FIP1L1: variants seen among roughly 807,000 people sequenced by gnomAD.
FIP1L1 encodes the protein factor interacting with PAPOLA and CPSF1, also known as pre-mRNA 3'-end-processing factor FIP1.
Under a neutral mutation model 84.6 loss-of-function variants are expected in FIP1L1, and 21 were observed. The ratio of observed to expected loss-of-function variants is 0.25; its 90% CI spans 0.18 to 0.36. FIP1L1 has a LOEUF of 0.36. Among genes scored for constraint, FIP1L1 ranks in the 10% least tolerant of loss-of-function variants. The probability of loss-of-function intolerance (pLI) is 1.00; values close to 1 mark genes in which losing one functional copy is unlikely to be tolerated. For missense variants in FIP1L1, 526 were observed against 751.1 expected (o/e 0.70, Z 3.50); for synonymous variants, 263 against 242.3 (o/e 1.09, Z -0.80).
chr4:53,411,459 G>T (rs1757188575), intron 10 of FIP1L1, among the ~76,000 whole-genome samples: 1 of 151,612 alleles, frequency 6.6e-6, no homozygotes, highest in Non-Finnish European at 1.5e-5. Context: ...TGCAGTCATT[G>T]TGAAATATTT....
rs1235607365 is a variant in FIP1L1 at position 53,429,941 on chromosome 4, C to A, written c.1174+1758C>A. Among the ~76,000 whole-genome samples the A allele has an allele frequency of 5.9e-5, 9 of 152,250 alleles. No individual in the cohort carries two copies. In the East Asian group the frequency reaches 1.7e-3, roughly 29 times the overall value. On this transcript the variant is annotated intron_variant, in intron 13 of 17. Coordinates refer to ENST00000337488, the MANE Select transcript of FIP1L1 (RefSeq NM_030917.4). The stretch of plus-strand genomic sequence containing the variant: ...TTTGTATCCTTTGAAAATCATCTCC[C>A]CTACCTCACCCGTGGCCCCCAGCCT...
At chr4:53,408,138 G>T (rs1199251627) in intron 10 of FIP1L1, among the ~76,000 whole-genome samples, 1 of 152,162 alleles carries the variant, frequency 6.6e-6, no homozygotes, top group South Asian at 2.1e-4. Context: ...GGTACTGGTT[G>T]TTCCTTTCCA....
intron 10 of FIP1L1, among the ~76,000 whole-genome samples, chr4:53,410,235 T>A (rs908335570): frequency 6.6e-6 from 1 of 152,222 alleles, no homozygotes; most frequent in South Asian, 2.1e-4. Context: ...TGAGGATGAT[T>A]TTTTTGATTT....
At position 53,383,761 on chromosome 4, in the gene FIP1L1, A is replaced by C; in HGVS notation, c.229-12A>C. The C allele has an allele frequency of 6.3e-7, 1 of 1,594,708 alleles. No homozygotes were observed. Among genetic ancestry groups the C allele is most frequent in the Non-Finnish European group, 8.6e-7 (1 of 1,167,486 alleles). ...ACTGAATGTATTTTATAATTTGTTT[A>C]TGTTCATGTAGAAAGTGACTGAGAC... On this transcript the variant is annotated splice_polypyrimidine_tract_variant and intron_variant, in intron 4 of 17. Transcript: ENST00000337488.
intron 9 of FIP1L1, among the ~76,000 whole-genome samples, chr4:53,395,085 ATGGT>A (rs1746512895): frequency 6.6e-6 from 1 of 152,150 alleles, no homozygotes; most frequent in South Asian, 2.1e-4. Flanking sequence ...ATAATGTCTT[ATGGT>A]CATTTCTTAA....
chr4:53,398,724 G>A (rs747189408), intron 9 of FIP1L1, among the ~76,000 whole-genome samples: 42 of 152,170 alleles, frequency 2.8e-4, no homozygotes, highest in Non-Finnish European at 4.9e-4. Flanking sequence ...AAGCAGAAGA[G>A]CATAAAGAAG....
intron 5 of FIP1L1, 26 bp downstream of exon 5, chr4:53,383,902 A>G (rs755096914): frequency 5.6e-6 from 9 of 1,604,504 alleles, no homozygotes; most frequent in South Asian, 2.2e-5. Context: ...GTAAGTAACA[A>G]TTGTGTAAAT....
chr4:53,438,136 A>G (rs1770301130), intron 13 of FIP1L1, among the ~76,000 whole-genome samples: 1 of 152,204 alleles, frequency 6.6e-6, no homozygotes, highest in Admixed American at 6.5e-5. Context: ...TGTTACATAC[A>G]GCTTTCCAGG....
intron 5 of FIP1L1, among the ~76,000 whole-genome samples, chr4:53,388,527 G>T (rs576243787): frequency 6.6e-6 from 1 of 152,156 alleles, no homozygotes; most frequent in Non-Finnish European, 1.5e-5. Context: ...AGTGGAGACG[G>T]GGTTTCATGG....
chr4:53,430,383 C>G (rs1393812201), intron 13 of FIP1L1, among the ~76,000 whole-genome samples: 8 of 115,704 alleles, frequency 6.9e-5, no homozygotes, highest in Admixed American at 6.9e-4. Context: ...GGGTCTCACT[C>G]TTTCGCCCAG....
At chr4:53,439,577 AATTAG>A (rs1209647155) in intron 13 of FIP1L1, among the ~76,000 whole-genome samples, 7 of 152,062 alleles carry the variant, frequency 4.6e-5, no homozygotes, top group African/African-American at 1.7e-4. Context: ...TTAGCTAATA[AATTAG>A]ATTATTTTTT....
At chr4:53,439,861 G>T (rs1341492225) in intron 13 of FIP1L1, among the ~76,000 whole-genome samples, 1 of 151,684 alleles carries the variant, frequency 6.6e-6, no homozygotes, top group Non-Finnish European at 1.5e-5. Context: ...AGGCTTTAAG[G>T]GCACATTTGG....
At chr4:53,420,066 C>G (rs1365082913) in intron 11 of FIP1L1, among the ~76,000 whole-genome samples, 1 of 151,762 alleles carries the variant, frequency 6.6e-6, no homozygotes, top group Admixed American at 6.6e-5. Flanking sequence ...GGCGCGGTGG[C>G]GAGCGCCTGT....
Position 53,460,714 on chromosome 4 carries a change from A to G in FIP1L1, c.*1265A>G. On this transcript the variant is annotated 3_prime_UTR_variant, in exon 18 of 18. Transcript: ENST00000337488. ...ATGAGAAATCCTCCACACTGAAAAAAAACTAGTAGTTTTAATTTTTTTGGA... is the reference window on the plus strand; with the variant it reads ...ATGAGAAATCCTCCACACTGAAAAAGAACTAGTAGTTTTAATTTTTTTGGA... 1.8e-6 allele frequency: 1 copy of G among 547,058 alleles called. No homozygotes were observed. The highest frequency in any genetic ancestry group is 3.1e-6 in the Non-Finnish European group (1 of 320,854). 33.9% of individuals were successfully genotyped at this position (547,058 alleles called of 1,614,324 possible).
intron 4 of FIP1L1, 117 bp from the exon 5 acceptor site, chr4:53,383,656 T>TG: frequency 1.0e-6 from 1 of 991,228 alleles, no homozygotes; most frequent in Non-Finnish European, 1.4e-6. Context: ...AGTGAGAGTC[T>TG]GTCTCAAGAC....
intron 12 of FIP1L1, among the ~76,000 whole-genome samples, chr4:53,427,183 G>A (rs555945424): frequency 6.2e-4 from 95 of 152,260 alleles, no homozygotes; most frequent in African/African-American, 2.2e-3. Flanking sequence ...CTTAAATGTA[G>A]GAAGTGTTAA....
intron 14 of FIP1L1, among the ~76,000 whole-genome samples, chr4:53,443,539 A>G (rs1772910958): frequency 6.6e-6 from 1 of 152,306 alleles, no homozygotes; most frequent in African/African-American, 2.4e-5. Flanking sequence ...AGTAGCATCA[A>G]ACCCTGCATA....
intron 10 of FIP1L1, among the ~76,000 whole-genome samples, chr4:53,401,145 T>C (rs1413715747): frequency 2.0e-5 from 3 of 152,244 alleles, no homozygotes; most frequent in African/African-American, 7.2e-5. Context: ...GATTCATTTA[T>C]GTAAAGTGTT....
At chr4:53,420,661 T>C (rs562922317) in intron 11 of FIP1L1, among the ~76,000 whole-genome samples, 3 of 152,152 alleles carry the variant, frequency 2.0e-5, no homozygotes, top group Non-Finnish European at 4.4e-5. Flanking sequence ...CTTTATAAAT[T>C]GTGTATATAC....
Sources: gnomAD v4.1 joint callset for allele counts (sites outside exome capture counted in the v4.1 genomes callset) on GRCh38, gnomAD v4.1.1 for gene constraint, MANE v1.5 for transcripts, NCBI Gene and HGNC (gene_info 2026-07-23, HGNC 2026-07-21) for gene names.